Variants in SETDB2 observed in about 807,000 individuals in gnomAD.
The protein encoded by SETDB2 is histone-lysine N-methyltransferase SETDB2.
SETDB2 carries 56 observed loss-of-function variants against 82.5 expected under a neutral mutation model. The ratio of observed to expected loss-of-function variants is 0.68; its 90% CI spans 0.55 to 0.85. SETDB2 has a LOEUF of 0.85. Among genes scored for constraint, SETDB2 ranks in the 40% least tolerant of loss-of-function variants. The pLI is 0.00. For missense variants in SETDB2, 677 were observed against 816.4 expected (o/e 0.83, Z 2.08); for synonymous variants, 272 against 284.9 (o/e 0.95, Z 0.46).
chr13:49,456,743 A>G (rs987288079), intron 2 of SETDB2, among the ~76,000 whole-genome samples: 5 of 152,188 alleles, frequency 3.3e-5, no homozygotes, highest in Non-Finnish European at 7.4e-5. Flanking sequence ...AGTCTCCCAG[A>G]TGTTTCTTGT....
At chr13:49,462,123 CA>C (rs1413559407) in intron 4 of SETDB2, among the ~76,000 whole-genome samples, 1 of 152,136 alleles carries the variant, frequency 6.6e-6, no homozygotes, top group Non-Finnish European at 1.5e-5. Flanking sequence ...CCCTGTTGTT[CA>C]GGGGTTTTGT....
chr13:49,470,520 A>C (rs1301545655), intron 5 of SETDB2, among the ~76,000 whole-genome samples: 1 of 151,544 alleles, frequency 6.6e-6, no homozygotes, highest in Non-Finnish European at 1.5e-5. Flanking sequence ...AACATTCAAT[A>C]ACTTAAGCCA....
At chr13:49,465,754 C>G (rs979409801) in intron 4 of SETDB2, among the ~76,000 whole-genome samples, 7 of 152,116 alleles carry the variant, frequency 4.6e-5, no homozygotes, top group Non-Finnish European at 1.0e-4. Flanking sequence ...CCAGGATGGT[C>G]TCAAACTCCT....
intron 10 of SETDB2, 139 bp from the exon 11 acceptor site, chr13:49,485,491 T>C: frequency 1.5e-6 from 1 of 650,436 alleles, no homozygotes; most frequent in Non-Finnish European, 2.7e-6. Flanking sequence ...AAAGACTCCT[T>C]ATGATATCAG....
rs901952890 is a variant in SETDB2, at chr13:49,452,631, A to G, written c.16+722A>G. ...TTACCTGATGTCTTTTTCCATTCCA[A>G]GATCCCATCCAGGACACCACATTCC... On this transcript the variant is annotated intron_variant, in intron 2 of 13. Transcript: ENST00000611815. Among the ~76,000 whole-genome samples the G allele has an allele frequency of 3.3e-5, 5 of 152,192 alleles. No individual in the cohort carries two copies. In the East Asian group the frequency reaches 9.6e-4, roughly 29 times the overall value.
chr13:49,480,384 G>T, intron 7 of SETDB2, 49 bp downstream of exon 7: 1 of 1,175,884 alleles, frequency 8.5e-7, no homozygotes, highest in East Asian at 2.5e-5. Flanking sequence ...CTTTGAAGGT[G>T]GGTACTTTTT....
chr13:49,465,285 GT>G (rs920618209), intron 4 of SETDB2, among the ~76,000 whole-genome samples: 3 of 152,070 alleles, frequency 2.0e-5, no homozygotes, highest in African/African-American at 7.2e-5. Flanking sequence ...ACTGGATAGT[GT>G]TTTCTTGAGA....
chr13:49,491,653 A>G, intron 13 of SETDB2, 79 bp from the exon 14 acceptor site: 1 of 942,208 alleles, frequency 1.1e-6, no homozygotes, highest in South Asian at 1.4e-5. Context: ...GTTAATGTTA[A>G]TATGAAAATT....
chr13:49,483,332 C>A, intron 9 of SETDB2, 132 bp from the exon 10 acceptor site: 1 of 427,452 alleles, frequency 2.3e-6, no homozygotes, highest in Non-Finnish European at 4.2e-6. Flanking sequence ...AAGGAATAAA[C>A]ATAGATGTTC....
intron 1 of SETDB2, among the ~76,000 whole-genome samples, chr13:49,450,942 TATTATTA>T (rs1337094744): frequency 5.9e-5 from 7 of 118,542 alleles, no homozygotes; most frequent in Non-Finnish European, 1.1e-4. Context: ...TAGAGGTTTA[TATTATTA>T]ATTAATATTT....
At chr13:49,446,058 C>CT (rs1425136522) in intron 1 of SETDB2, 1 of 239,034 alleles carries the variant, frequency 4.2e-6, no homozygotes, top group Non-Finnish European at 8.3e-6. Flanking sequence ...GACCTCATGT[C>CT]TAAAAAAAAA....
intron 13 of SETDB2, among the ~76,000 whole-genome samples, chr13:49,491,197 AATG>A (rs1392688608): frequency 6.6e-6 from 1 of 152,246 alleles, no homozygotes; most frequent in African/African-American, 2.4e-5. Context: ...TGTCTCAAAA[AATG>A]ATAATTATAA....
intron 9 of SETDB2, 28 bp from the exon 10 acceptor site, chr13:49,483,436 T>A: frequency 1.1e-6 from 1 of 927,986 alleles, no homozygotes. Flanking sequence ...TTTTTAGTGA[T>A]ACAGAATAAC....
chr13:49,490,759 C>A, intron 12 of SETDB2, 63 bp from the exon 13 acceptor site: 2 of 1,221,074 alleles, frequency 1.6e-6, no homozygotes, highest in South Asian at 1.4e-5. Context: ...TTTTCTAATG[C>A]AAAAGCACAA....
chr13:49,461,852 G>A (rs1047522624), intron 4 of SETDB2, among the ~76,000 whole-genome samples: 5 of 152,142 alleles, frequency 3.3e-5, no homozygotes, highest in African/African-American at 1.2e-4. Flanking sequence ...CTGACTGACT[G>A]CTACAAATTA....
At chr13:49,470,631 T>C (rs1170666714) in intron 5 of SETDB2, among the ~76,000 whole-genome samples, 1 of 152,096 alleles carries the variant, frequency 6.6e-6, no homozygotes, top group Non-Finnish European at 1.5e-5. Flanking sequence ...GAGGATCACT[T>C]GAGCCCAAAA....
At position 49,494,459 on chromosome 13, in the gene SETDB2, CAT is replaced by C. The variant is rs532600386; in HGVS notation, c.*2613_*2614del. On this transcript the variant is annotated 3_prime_UTR_variant, in exon 14 of 14. Coordinates refer to ENST00000611815, the MANE Select transcript of SETDB2 (RefSeq NM_001160308.3). ...GAGTTAATGGTCTTGGTAGTCTACT[CAT>C]ATTTAAGTGTGGAACACCAAAAAGC... The C allele has an allele frequency of 9.2e-5, 14 of 152,300 alleles. No individual in the cohort carries two copies. Among genetic ancestry groups the C allele is most frequent in the African/African-American group, 3.4e-4 (14 of 41,558 alleles). The allele number at this position is 152,300 out of a possible 1,614,324, so 9.4% of individuals were successfully genotyped here.
At chr13:49,454,388 G>A (rs922736012) in intron 2 of SETDB2, among the ~76,000 whole-genome samples, 1 of 152,138 alleles carries the variant, frequency 6.6e-6, no homozygotes, top group African/African-American at 2.4e-5. Flanking sequence ...CAGCCTGGGT[G>A]ACAAAGCAAG....
At chr13:49,460,078 C>G in intron 2 of SETDB2, 29 bp from the exon 3 acceptor site, 1 of 1,600,016 alleles carries the variant, frequency 6.2e-7, no homozygotes. Flanking sequence ...TCTATTAGCT[C>G]TTAGGCTAGT....
Sources: allele counts gnomAD v4.1 joint callset (sites outside exome capture counted in the v4.1 genomes callset), GRCh38; gene constraint gnomAD v4.1.1; transcripts MANE v1.5; gene names NCBI Gene and HGNC (gene_info 2026-07-23, HGNC 2026-07-21).